Variants in GJB1 observed in about 807,000 individuals in gnomAD.
GJB1 encodes gap junction beta-1 protein.
Under a neutral mutation model 12.0 loss-of-function variants are expected in GJB1, and 1 was observed. The observed-to-expected ratio is 0.08, with a 90% confidence interval of 0.03 to 0.40. GJB1 has a LOEUF of 0.40. GJB1 is among the 10% of genes least tolerant of loss of function. The pLI, the probability that GJB1 is intolerant of heterozygous loss-of-function variation, is 0.98. For missense variants in GJB1, 140 were observed against 250.3 expected (o/e 0.56, Z 2.97); for synonymous variants, 114 against 102.8 (o/e 1.11, Z -0.66).
Position 71,223,313 on chromosome X carries a change from C to T in GJB1, c.-39C>T, listed in dbSNP as rs1305276019. On this transcript the variant is annotated 5_prime_UTR_variant, in exon 1 of 2. Transcript: ENST00000361726. ...ACCATAGGGGACCTGTCTGGGTGGCCTCAGGGATAGGCGCTCCCCAAGGTA... is the reference window on the plus strand; with the variant it reads ...ACCATAGGGGACCTGTCTGGGTGGCTTCAGGGATAGGCGCTCCCCAAGGTA... 7 of 274,534 alleles carry T rather than the reference C, an allele frequency of 2.5e-5. No homozygotes were observed. The highest frequency in any genetic ancestry group is 4.6e-5 in the Non-Finnish European group (7 of 151,315). The allele number at this position is 274,534 out of a possible 1,213,427, so 22.6% of individuals were successfully genotyped here. A position where few individuals can be genotyped will look rare whatever the true frequency, so the allele number is the denominator to read the frequency against.
chrX:71,218,811 A>G (rs757926050), upstream of GJB1, among the ~76,000 whole-genome samples: 162 of 85,344 alleles, frequency 1.9e-3, no homozygotes, highest in African/African-American at 6.6e-3. Context: ...GCGTGAACCC[A>G]GGGGGCGGAG....
chrX:71,218,642 C>T (rs562027014), upstream of GJB1, among the ~76,000 whole-genome samples: 1 of 109,200 alleles, frequency 9.2e-6, no homozygotes, highest in Non-Finnish European at 1.9e-5. Context: ...CCAGCACTTT[C>T]GGAGGCCGAG....
At chrX:71,220,265 C>G (rs374242232), upstream of GJB1, among the ~76,000 whole-genome samples, 3 of 84,068 alleles carry the variant, frequency 3.6e-5, no homozygotes, top group African/African-American at 1.4e-4. Context: ...CTCCTGACCT[C>G]GTGATCCACC....
At chrX:71,220,889 C>CTTTTTTTTTTTTTTTTTTTTTT (rs1491472340), upstream of GJB1, among the ~76,000 whole-genome samples, 3 of 52,746 alleles carry the variant, frequency 5.7e-5, 1 homozygote, top group African/African-American at 3.1e-4. Flanking sequence ...TTGTTTCTTT[C>CTTTTTTTTTTTTTTTTTTTTTT]CTTTTTTTTT....
upstream of GJB1, among the ~76,000 whole-genome samples, chrX:71,222,285 G>A (rs1401573478): frequency 9.7e-6 from 1 of 103,349 alleles, no homozygotes; most frequent in Non-Finnish European, 2.0e-5. Context: ...GTCTTGCTCT[G>A]TCGCCCGGAC....
In GJB1 at chrX:71,223,855, T is replaced by G. The variant is rs913934445; in HGVS notation, c.148T>G (p.Ser50Ala). Residue 50 changes from serine (S) to alanine (A), a missense_variant, in exon 2 of 2, where the codon TCC becomes GCC. Around this residue, in one of 4 missense-constraint regions of GJB1, gnomAD observed 16 missense variants for 50.0 expected, o/e 0.32. Transcript: ENST00000361726. ...AESVWGDEKS[S>A]FICNTLQPGC... is the part of the protein sequence containing the mutation. ...GAGTGTGTGGGGTGATGAGAAATCT[T>G]CCTTCATCTGCAACACACTCCAGCC... The G allele has an allele frequency of 8.3e-7, 1 of 1,208,990 alleles. No homozygotes were observed. Among genetic ancestry groups the G allele is most frequent in the Admixed American group, 2.2e-5 (1 of 45,637 alleles).
chrX:71,215,984 G>C (rs1021011986), intron 1 of GJB1, among the ~76,000 whole-genome samples: 1 of 109,025 alleles, frequency 9.2e-6, no homozygotes, highest in Non-Finnish European at 1.9e-5. Context: ...CGATTCTCCT[G>C]CCTCAGCCTC....
In GJB1 at chrX:71,223,944, G is replaced by A; in HGVS notation, c.237G>A (p.Leu79=). Residue 79 remains leucine (L), a synonymous_variant, in exon 2 of 2, where the codon CTG becomes CTA. Coordinates refer to ENST00000361726, the MANE Select transcript of GJB1 (RefSeq NM_000166.6). ...FPISHVRLWS[L]QLILVSTPAL... ...TCTCCCATGTGCGGCTGTGGTCCCT[G>A]CAGCTCATCCTAGTTTCCACCCCAG... is the stretch of plus-strand genomic sequence containing the variant. 1 of 1,204,982 alleles carries A rather than the reference G, an allele frequency of 8.3e-7. No homozygotes were observed. Among genetic ancestry groups the A allele is most frequent in the Non-Finnish European group, 1.1e-6 (1 of 891,976 alleles).
At chrX:71,223,640 G>A (rs954581600) in intron 1 of GJB1, 52 bp from the exon 2 acceptor site, 18 of 1,177,359 alleles carry the variant, frequency 1.5e-5, no homozygotes, top group Non-Finnish European at 1.8e-5. Context: ...TATGGCGCCC[G>A]ACTTTCCACC....
rs2147944838 is a variant in GJB1 at position 71,223,740 on chromosome X, T to C, written c.33T>C (p.Ser11=). ...GGACAGGTTTGTACACCTTGCTCAGTGGCGTGAACCGGCATTCTACTGCCA... is the reference window on the plus strand; with the variant it reads ...GGACAGGTTTGTACACCTTGCTCAGCGGCGTGAACCGGCATTCTACTGCCA... MNWTGLYTLL[S]GVNRHSTAIG... The change falls in exon 2 of 2, where the codon AGT becomes AGC. Residue 11 remains serine, a synonymous_variant. Coordinates refer to ENST00000361726, the MANE Select transcript of GJB1 (RefSeq NM_000166.6). 1 of 1,210,665 alleles carries C rather than the reference T, an allele frequency of 8.3e-7. No individual in the cohort carries two copies. The highest frequency in any genetic ancestry group is 1.1e-6 in the Non-Finnish European group (1 of 894,601).
At chrX:71,221,719 G>A (rs2092538334), upstream of GJB1, among the ~76,000 whole-genome samples, 1 of 111,295 alleles carries the variant, frequency 9.0e-6, no homozygotes, top group Non-Finnish European at 1.9e-5. Context: ...CCTGCCTAAG[G>A]GATAGAGGAG....
upstream of GJB1, among the ~76,000 whole-genome samples, chrX:71,219,240 C>T (rs2092531696): frequency 1.9e-5 from 2 of 107,720 alleles, no homozygotes; most frequent in South Asian, 4.1e-4. Context: ...ACTGCAGCCT[C>T]GACCTCTTGG....
At chrX:71,218,586 GAAA>G (rs916823477), upstream of GJB1, among the ~76,000 whole-genome samples, 3 of 98,872 alleles carry the variant, frequency 3.0e-5, no homozygotes, top group Non-Finnish European at 4.1e-5. Flanking sequence ...TGTCTCAAAA[GAAA>G]AAAAAAGTGT....
chrX:71,216,831 G>A (rs2092526641), intron 1 of GJB1, among the ~76,000 whole-genome samples: 1 of 111,778 alleles, frequency 8.9e-6, no homozygotes, highest in Admixed American at 9.6e-5. Flanking sequence ...GGAAGGGGAA[G>A]AGAGCTGGAG....
upstream of GJB1, among the ~76,000 whole-genome samples, chrX:71,220,966 G>A (rs1325307002): frequency 6.0e-5 from 5 of 83,716 alleles, no homozygotes; most frequent in Non-Finnish European, 1.1e-4. Flanking sequence ...GCGCAATCTC[G>A]GCTCACTGCA....
upstream of GJB1, among the ~76,000 whole-genome samples, chrX:71,221,018 TC>T (rs995130661): frequency 5.9e-5 from 6 of 101,064 alleles, no homozygotes; most frequent in African/African-American, 2.2e-4. Context: ...TGCCTCAGCC[TC>T]CCAAGTAGCT....
At chrX:71,218,395 T>C (rs1483924184), upstream of GJB1, among the ~76,000 whole-genome samples, 3 of 98,670 alleles carry the variant, frequency 3.0e-5, no homozygotes, top group Admixed American at 1.1e-4. Flanking sequence ...CTTTTTTTTT[T>C]TTTTTTCAAT....
Position 71,224,203 on chromosome X carries a change from G to C in GJB1, c.496G>C (p.Val166Leu). 8.3e-7 allele frequency: 1 copy of C among 1,206,633 alleles called. No individual in the cohort carries two copies. Among genetic ancestry groups the C allele is most frequent in the African/African-American group, 1.7e-5 (1 of 57,454 alleles). Residue 166 changes from valine (V) to leucine (L), a missense_variant, in exon 2 of 2, where the codon GTC (valine) becomes CTC (leucine). Physicochemically the swap from Val to Leu is conservative, Grantham distance 32. Coordinates refer to ENST00000361726, the MANE Select transcript of GJB1 (RefSeq NM_000166.6). Reference sequence around the variant, plus strand: ...CCCTGGCTATGCCATGGTGCGGCTGGTCAAGTGCGACGTCTACCCCTGCCC... The same window carrying C: ...CCCTGGCTATGCCATGGTGCGGCTGCTCAAGTGCGACGTCTACCCCTGCCC... ...LYPGYAMVRL[V>L]KCDVYPCPNT... is the part of the protein sequence containing the mutation.
intron 1 of GJB1, among the ~76,000 whole-genome samples, chrX:71,216,485 CA>C (rs1370209318): frequency 3.7e-5 from 4 of 109,452 alleles, no homozygotes; most frequent in African/African-American, 1.0e-4. Flanking sequence ...GCTCCTGGCT[CA>C]CGGGGTTGTT....
Sources: gnomAD v4.1 joint callset for allele counts (sites outside exome capture counted in the v4.1 genomes callset) on GRCh38, gnomAD v4.1.1 for gene constraint, gnomAD v4.1.1 regional missense constraint, MANE v1.5 for transcripts, NCBI Gene and HGNC (gene_info 2026-07-23, HGNC 2026-07-21) for gene names.